SLC19A1: variants seen among roughly 807,000 people sequenced by gnomAD.
The protein encoded by SLC19A1 is reduced folate transporter.
SLC19A1 carries 37 observed loss-of-function variants against 35.3 expected under a neutral mutation model. The observed-to-expected ratio is 1.05, with a 90% CI of 0.81 to 1.38. The LOEUF (loss-of-function observed/expected upper bound fraction) is 1.38. SLC19A1 is among the 40% of genes most tolerant of loss of function. The pLI, the probability that SLC19A1 is intolerant of heterozygous loss-of-function variation, is 0.00. For missense variants in SLC19A1, 831 were observed against 826.9 expected (o/e 1.00, Z -0.06); for synonymous variants, 460 against 398.5 (o/e 1.15, Z -1.84).
At chr21:45,522,282 AACC>A (rs1309832547) in intron 5 of SLC19A1, among the ~76,000 whole-genome samples, 1 of 152,212 alleles carries the variant, frequency 6.6e-6, no homozygotes, top group East Asian at 1.9e-4. Context: ...TGCAAATTAA[AACC>A]ACAATGAAAT....
intron 1 of SLC19A1, among the ~76,000 whole-genome samples, chr21:45,559,722 C>T (rs1422922873): frequency 1.3e-5 from 2 of 152,172 alleles, no homozygotes; most frequent in East Asian, 1.9e-4. Context: ...CGCAGAGCTT[C>T]CGTGTTCCTT....
downstream of SLC19A1, among the ~76,000 whole-genome samples, chr21:45,511,908 A>C (rs1222858753): frequency 6.6e-6 from 1 of 152,210 alleles, no homozygotes; most frequent in Non-Finnish European, 1.5e-5. Context: ...CTCAGCAGGC[A>C]TGAGGGCCAG....
chr21:45,527,662 G>A lies in SLC19A1; in HGVS notation c.1152-1704C>T, dbSNP rs1393679902. Among the ~76,000 whole-genome samples the A allele has an allele frequency of 9.8e-5, 6 of 61,232 alleles. 1 individual carries two copies. Among genetic ancestry groups the A allele is most frequent in the East Asian group, 8.7e-4 (2 of 2,312 alleles). 40.2% of individuals were successfully genotyped at this position (61,232 alleles called of 152,430 possible). ...GAGGTGAGTGGCAGTCAGTTACTGC[G>A]GGCCCTGGAGGTGAGTGGCAGCCAG... is the stretch of plus-strand genomic sequence containing the variant. On this transcript the variant is annotated intron_variant, in intron 4 of 5. Coordinates refer to ENST00000311124, the MANE Select transcript of SLC19A1 (RefSeq NM_194255.4).
intron 3 of SLC19A1, chr21:45,502,866 C>G (rs865806778): frequency 2.0e-5 from 3 of 152,182 alleles, no homozygotes; most frequent in African/African-American, 4.8e-5. Flanking sequence ...ACGTCTCCCA[C>G]GTAAGCCCCA....
intron 1 of SLC19A1, among the ~76,000 whole-genome samples, chr21:45,557,105 C>T (rs952029870): frequency 1.3e-5 from 2 of 152,236 alleles, no homozygotes; most frequent in Admixed American, 6.5e-5. Context: ...TGCCTCCCCA[C>T]GTGTCAGCTC....
chr21:45,533,005 T>G lies in SLC19A1; in HGVS notation c.190-857A>C, dbSNP rs573254665. On this transcript the variant is annotated intron_variant, in intron 2 of 5. Transcript: ENST00000311124. The surrounding 1 kb of genome is among the most constrained non-coding windows in gnomAD (Gnocchi z 4.5). ...GGAAGTGGGGTAGGGCAGAGGGCCC[T>G]GGGCTGTGCACTCCCATCTCACACT... Among the ~76,000 whole-genome samples, 2 of 152,246 alleles carry G rather than the reference T, an allele frequency of 1.3e-5. No homozygotes were observed. Among genetic ancestry groups the G allele is most frequent in the East Asian group, 3.9e-4 (2 of 5,160 alleles).
chr21:45,531,924 G>A lies in SLC19A1; in HGVS notation c.414C>T (p.Ser138=). The change falls in exon 3 of 6, where the codon TCC becomes TCT. Residue 138 remains serine (S), a synonymous_variant. Coordinates refer to ENST00000311124, the MANE Select transcript of SLC19A1 (RefSeq NM_194255.4). ...CGGGCCGCACGAGAGAGAAGATGTA[G>A]GAGGAATAGGCGATGCGCGCGGCCA... ...VTMAARIAYS[S]YIFSLVRPAR... 6.3e-7 allele frequency: 1 copy of A among 1,598,792 alleles called. No individual in the cohort carries two copies.
In SLC19A1 at chr21:45,502,583, G is replaced by GTTAA. The variant is rs376072148; in HGVS notation, c.498-3975_498-3972dup. The GTTAA allele has an allele frequency of 8.5e-5, 13 of 152,324 alleles. No homozygotes were observed. In the East Asian group the frequency reaches 2.5e-3, roughly 29 times the overall value. The allele number at this position is 152,324 out of a possible 1,614,324, so 9.4% of individuals were successfully genotyped here. ...GATCAAGAAAGTCCAAAAATCCAAA[G>GTTAA]TTAATTCTTTGCAAAGGCGAACAAC... On this transcript the variant is annotated intron_variant, in intron 3 of 4. Coordinates refer to the SLC19A1 transcript ENST00000417954.
At chr21:45,505,254 T>G in intron 3 of SLC19A1, 1 of 1,590,182 alleles carries the variant, frequency 6.3e-7, no homozygotes, top group Non-Finnish European at 8.6e-7. Flanking sequence ...AGGGCCCCCT[T>G]CATTTCCTGG....
chr21:45,504,045 T>C (rs758015554), intron 3 of SLC19A1: 5 of 1,613,564 alleles, frequency 3.1e-6, no homozygotes, highest in Non-Finnish European at 4.2e-6. Context: ...AGTTGGAGGC[T>C]GAAATGAAGG....
chr21:45,531,533 G>A lies in SLC19A1; in HGVS notation c.805C>T (p.Leu269=), dbSNP rs1178777977. 3 of 1,612,494 alleles carry A rather than the reference G, an allele frequency of 1.9e-6. No homozygotes were observed. The East Asian group carries it at 6.7e-5, about 36-fold the overall frequency. The change falls in exon 3 of 6, where the codon CTG becomes TTG. Residue 269 remains leucine, a synonymous_variant. Coordinates refer to ENST00000311124, the MANE Select transcript of SLC19A1 (RefSeq NM_194255.4). ...TTGAAGACCCACCAGAGGGACCACA[G>A]GCGCAGCTGCGGCCGCCGCAGGCTG... ...GDSLRRPQLR[L]WSLWWVFNSA...
At chr21:45,560,113 C>G (rs2078600700) in intron 1 of SLC19A1, among the ~76,000 whole-genome samples, 1 of 151,768 alleles carries the variant, frequency 6.6e-6, no homozygotes, top group South Asian at 2.1e-4. Context: ...TAGGGGAGCC[C>G]TGGGGTCACT....
chr21:45,511,794 T>G (rs1340776122), downstream of SLC19A1, among the ~76,000 whole-genome samples: 2 of 152,210 alleles, frequency 1.3e-5, no homozygotes. Flanking sequence ...CAAGGGTCTC[T>G]GACAGGAGTG....
chr21:45,523,589 G>A (rs1233909806), intron 5 of SLC19A1, among the ~76,000 whole-genome samples: 2 of 152,218 alleles, frequency 1.3e-5, no homozygotes, highest in Admixed American at 1.3e-4. Flanking sequence ...AGCTACAGGG[G>A]AGCACACGCA....
At chr21:45,561,846 T>C (rs1176576455) in intron 1 of SLC19A1, among the ~76,000 whole-genome samples, 1 of 151,296 alleles carries the variant, frequency 6.6e-6, no homozygotes, top group Non-Finnish European at 1.5e-5. Flanking sequence ...AAGATAAGAC[T>C]TCCAGGCTGG....
At position 45,550,953 on chromosome 21, in the gene SLC19A1, T is replaced by C. The variant is rs374175620; in HGVS notation, c.-50+11789A>G. On this transcript the variant is annotated intron_variant, in intron 1 of 5. Coordinates refer to the SLC19A1 transcript ENST00000650808. ...CCCCACAACCCTTCCCCCACCCTCC[T>C]CAACCTTCCCAGCACTGGCCCCCGC... Among the ~76,000 whole-genome samples the C allele has an allele frequency of 6.4e-3, 485 of 76,294 alleles. 5 individuals are homozygous for C. Among genetic ancestry groups the C allele is most frequent in the African/African-American group, 0.021 (420 of 19,834 alleles). 50.1% of individuals were successfully genotyped at this position (76,294 alleles called of 152,430 possible).
At chr21:45,561,796 A>T (rs1349132701) in intron 1 of SLC19A1, among the ~76,000 whole-genome samples, 1 of 151,814 alleles carries the variant, frequency 6.6e-6, no homozygotes, top group East Asian at 1.9e-4. Flanking sequence ...TAATTAAAAA[A>T]TTAAATAAAA....
chr21:45,562,937 G>A (rs186632750), exon 1 of SLC19A1, among the ~76,000 whole-genome samples: 159 of 152,294 alleles, frequency 1.0e-3, no homozygotes, highest in African/African-American at 3.7e-3. Context: ...ATCCTCCTCC[G>A]GTATCTACGT....
At chr21:45,520,756 C>T (rs2077413080) in intron 5 of SLC19A1, among the ~76,000 whole-genome samples, 1 of 152,212 alleles carries the variant, frequency 6.6e-6, no homozygotes, top group Admixed American at 6.5e-5. Flanking sequence ...CATGGTGGCT[C>T]ATGCCTGTAA....
Sources: gnomAD v4.1 joint callset for allele counts (sites outside exome capture counted in the v4.1 genomes callset) on GRCh38, gnomAD v4.1.1 for gene constraint, Gnocchi (gnomAD v3.1) non-coding constraint, MANE v1.5 for transcripts, NCBI Gene and HGNC (gene_info 2026-07-23, HGNC 2026-07-21) for gene names.